Variants in ADAM18 observed in about 807,000 individuals in gnomAD.
ADAM18 encodes the protein disintegrin and metalloproteinase domain-containing protein 18.
In ADAM18, 117 loss-of-function variants were observed where a neutral mutation model predicts 94.4. The observed-to-expected ratio is 1.24, with a 90% CI of 1.07 to 1.45. The LOEUF (loss-of-function observed/expected upper bound fraction) is 1.45, where lower values mean the gene tolerates loss of function less well. Ranked by LOEUF, ADAM18 falls within the 40% of genes most tolerant of loss-of-function variation. ADAM18 has a pLI of 0.00. For missense variants in ADAM18, 936 were observed against 880.0 expected (o/e 1.06, Z -0.81); for synonymous variants, 327 against 291.6 (o/e 1.12, Z -1.24).
intron 6 of ADAM18, among the ~76,000 whole-genome samples, chr8:39,616,718 T>A (rs905131088): frequency 6.6e-6 from 1 of 152,098 alleles, no homozygotes; most frequent in African/African-American, 2.4e-5. Flanking sequence ...AAGCTGCACA[T>A]CTACAACCAT....
intron 11 of ADAM18, among the ~76,000 whole-genome samples, chr8:39,647,373 G>A (rs913078250): frequency 6.6e-5 from 10 of 152,276 alleles, no homozygotes; most frequent in African/African-American, 2.4e-4. Flanking sequence ...AGAATAACAA[G>A]GCAGCATAGC....
intron 6 of ADAM18, among the ~76,000 whole-genome samples, chr8:39,628,167 T>A (rs921742326): frequency 6.6e-6 from 1 of 151,966 alleles, no homozygotes; most frequent in African/African-American, 2.4e-5. Context: ...ATTATTTCAG[T>A]TTGAGCAATA....
chr8:39,628,908 C>T (rs1358864284), intron 6 of ADAM18, among the ~76,000 whole-genome samples: 3 of 151,968 alleles, frequency 2.0e-5, no homozygotes, highest in Non-Finnish European at 4.4e-5. Flanking sequence ...AACATAATAA[C>T]CTATAAATCA....
intron 18 of ADAM18, among the ~76,000 whole-genome samples, chr8:39,716,981 T>A (rs1822595505): frequency 6.6e-6 from 1 of 151,948 alleles, no homozygotes; most frequent in Admixed American, 6.6e-5. Flanking sequence ...CTATTTTGTC[T>A]GATATAAGTC....
chr8:39,643,385 G>T (rs1487113472), intron 10 of ADAM18, among the ~76,000 whole-genome samples: 1 of 152,002 alleles, frequency 6.6e-6, no homozygotes, highest in Admixed American at 6.6e-5. Flanking sequence ...CTTTTGCACT[G>T]TTCTGATGAC....
At chr8:39,653,553 A>C (rs964029292) in intron 12 of ADAM18, among the ~76,000 whole-genome samples, 3 of 152,254 alleles carry the variant, frequency 2.0e-5, no homozygotes, top group Non-Finnish European at 4.4e-5. Context: ...AGAGAAGTTC[A>C]TGCCACATGA....
chr8:39,610,935 C>T (rs748469335), intron 6 of ADAM18: 243 of 1,220,304 alleles, frequency 2.0e-4, no homozygotes, highest in Non-Finnish European at 1.4e-4. Context: ...ATATTTTTTT[C>T]AAACAAAATG....
chr8:39,680,257 G>T (rs765103853), intron 16 of ADAM18, 31 bp downstream of exon 16: 11 of 1,580,198 alleles, frequency 7.0e-6, no homozygotes, highest in Non-Finnish European at 9.5e-6. Flanking sequence ...ATATTCAGCT[G>T]TGTTAAATTA....
At chr8:39,640,746 T>C (rs935868700) in intron 10 of ADAM18, among the ~76,000 whole-genome samples, 1 of 152,204 alleles carries the variant, frequency 6.6e-6, no homozygotes, top group Admixed American at 6.6e-5. Context: ...TGCTATCTCA[T>C]TGTGGTTTCG....
intron 6 of ADAM18, among the ~76,000 whole-genome samples, chr8:39,618,182 C>T (rs1819502323): frequency 6.6e-6 from 1 of 152,186 alleles, no homozygotes; most frequent in African/African-American, 2.4e-5. Flanking sequence ...ACGAGGCTCT[C>T]TCTTTGTTCC....
chr8:39,678,770 T>C, intron 15 of ADAM18, among the ~76,000 whole-genome samples: 1 of 152,200 alleles, frequency 6.6e-6, no homozygotes, highest in East Asian at 1.9e-4. Flanking sequence ...CATTGGACTT[T>C]GTCTTATGTG....
chr8:39,604,100 G>C (rs981539801), intron 2 of ADAM18, among the ~76,000 whole-genome samples: 1 of 152,066 alleles, frequency 6.6e-6, no homozygotes, highest in Admixed American at 6.6e-5. Context: ...CCACATGCTG[G>C]CATTGTCACA....
At chr8:39,637,756 G>T in intron 9 of ADAM18, 53 bp downstream of exon 9, 1 of 1,413,564 alleles carries the variant, frequency 7.1e-7, no homozygotes, top group Non-Finnish European at 9.3e-7. Context: ...ATTTTAAATT[G>T]GTAATTTAGT....
intron 2 of ADAM18, among the ~76,000 whole-genome samples, chr8:39,593,712 GC>G (rs1818647465): frequency 6.6e-6 from 1 of 152,030 alleles, no homozygotes; most frequent in Non-Finnish European, 1.5e-5. Context: ...GTCTTTTGGG[GC>G]ATACCCATTT....
chr8:39,675,673 A>C (rs1457218688), intron 14 of ADAM18, among the ~76,000 whole-genome samples: 4 of 152,206 alleles, frequency 2.6e-5, no homozygotes, highest in Non-Finnish European at 5.9e-5. Flanking sequence ...GTTGCTGGCG[A>C]GGAGCTGTGA....
At chr8:39,682,060 C>T (rs1821476812) in intron 16 of ADAM18, among the ~76,000 whole-genome samples, 2 of 152,068 alleles carry the variant, frequency 1.3e-5, no homozygotes, top group Admixed American at 1.3e-4. Context: ...GACTGTAAAA[C>T]ATTAGTTAAG....
chr8:39,691,251 C>T (rs1050732603), intron 16 of ADAM18, among the ~76,000 whole-genome samples: 13 of 151,994 alleles, frequency 8.6e-5, no homozygotes, highest in African/African-American at 2.4e-4. Flanking sequence ...ATTCACTGCA[C>T]GTATACAACG....
At chr8:39,598,678 G>A (rs1818811382) in intron 2 of ADAM18, among the ~76,000 whole-genome samples, 1 of 150,628 alleles carries the variant, frequency 6.6e-6, no homozygotes. Context: ...TGAGGAAGGA[G>A]AGTCACTTGA....
intron 12 of ADAM18, among the ~76,000 whole-genome samples, chr8:39,657,123 C>T (rs917914477): frequency 4.6e-5 from 7 of 151,944 alleles, no homozygotes; most frequent in Non-Finnish European, 1.0e-4. Flanking sequence ...ACAAATTGTG[C>T]TATAATCATA....
Sources: gnomAD v4.1 joint callset for allele counts (sites outside exome capture counted in the v4.1 genomes callset) on GRCh38, gnomAD v4.1.1 for gene constraint, MANE v1.5 for transcripts, NCBI Gene and HGNC (gene_info 2026-07-23, HGNC 2026-07-21) for gene names.